IKZF2: variants seen among roughly 807,000 people sequenced by gnomAD.
The protein encoded by IKZF2 is IKAROS family zinc finger 2.
In IKZF2, 15 loss-of-function variants were observed where a neutral mutation model predicts 49.2. The observed-to-expected ratio is 0.30, with a 90% confidence interval of 0.20 to 0.47. The LOEUF (loss-of-function observed/expected upper bound fraction) is 0.47, where lower values mean the gene tolerates loss of function less well. IKZF2 is among the 20% of genes least tolerant of loss of function. The pLI is 1.00. For synonymous variants in IKZF2, 227 were observed against 221.4 expected, an observed-to-expected ratio of 1.03 and a Z score of -0.23; for missense variants, 567 against 664.6, an observed-to-expected ratio of 0.85 and a Z score of 1.61.
intron 4 of IKZF2, among the ~76,000 whole-genome samples, chr2:213,122,939 C>T (rs139287237): frequency 6.6e-6 from 1 of 152,194 alleles, no homozygotes; most frequent in Admixed American, 6.5e-5. Flanking sequence ...ACCATCCTAA[C>T]GATTTAGATT....
At chr2:213,106,541 G>T (rs912333297) in intron 4 of IKZF2, among the ~76,000 whole-genome samples, 10 of 151,008 alleles carry the variant, frequency 6.6e-5, no homozygotes, top group Admixed American at 5.9e-4. Flanking sequence ...AGGCTGAGGT[G>T]AGAGGATCTC....
At chr2:213,122,120 C>A (rs1445648342) in intron 4 of IKZF2, among the ~76,000 whole-genome samples, 1 of 152,024 alleles carries the variant, frequency 6.6e-6, no homozygotes, top group Non-Finnish European at 1.5e-5. Flanking sequence ...AGAGGGCAAA[C>A]CACAATAATA....
At chr2:213,091,919 T>C (rs964473627) in intron 4 of IKZF2, among the ~76,000 whole-genome samples, 8 of 151,824 alleles carry the variant, frequency 5.3e-5, no homozygotes, top group African/African-American at 1.9e-4. Context: ...TGTGTGTATG[T>C]GTGTGTGTAC....
chr2:213,018,911 G>A (rs1696896825), intron 7 of IKZF2, among the ~76,000 whole-genome samples: 2 of 152,070 alleles, frequency 1.3e-5, no homozygotes. Context: ...TCCAGAGTTA[G>A]GTTAATTCTA....
At chr2:213,103,933 A>T (rs2059435134) in intron 4 of IKZF2, among the ~76,000 whole-genome samples, 2 of 152,200 alleles carry the variant, frequency 1.3e-5, no homozygotes, top group Admixed American at 1.3e-4. Context: ...ATTGAATAAA[A>T]GTGATGATAT....
intron 6 of IKZF2, among the ~76,000 whole-genome samples, chr2:213,043,183 TACACAC>T (rs34393449): frequency 4.7e-5 from 7 of 148,742 alleles, no homozygotes; most frequent in African/African-American, 1.2e-4. Flanking sequence ...GTAAATGAAA[TACACAC>T]ACACACACAC....
intron 5 of IKZF2, among the ~76,000 whole-genome samples, chr2:213,052,491 T>G (rs747289660): frequency 3.9e-5 from 6 of 152,084 alleles, no homozygotes; most frequent in Non-Finnish European, 7.4e-5. Context: ...TTTTATGGCT[T>G]TCCTCATTTT....
At chr2:213,046,069 A>C (rs893130720) in intron 6 of IKZF2, among the ~76,000 whole-genome samples, 1 of 115,076 alleles carries the variant, frequency 8.7e-6, no homozygotes, top group Non-Finnish European at 1.9e-5. Flanking sequence ...TTTTATAGTA[A>C]AGACATGCAG....
chr2:213,127,025 T>G (rs1363192193), intron 4 of IKZF2, among the ~76,000 whole-genome samples: 1 of 152,182 alleles, frequency 6.6e-6, no homozygotes, highest in African/African-American at 2.4e-5. Context: ...ATTTTCTATT[T>G]CTCCAGCTCC....
chr2:213,073,725 T>C (rs926952808), intron 4 of IKZF2, among the ~76,000 whole-genome samples: 18 of 152,244 alleles, frequency 1.2e-4, no homozygotes, highest in African/African-American at 4.1e-4. Context: ...TTTTGTTTTC[T>C]TTGAGATGGA....
At chr2:213,130,932 T>G (rs553483282) in intron 4 of IKZF2, among the ~76,000 whole-genome samples, 3 of 152,170 alleles carry the variant, frequency 2.0e-5, no homozygotes, top group Non-Finnish European at 4.4e-5. Context: ...AGAGAATACA[T>G]GGTATTCTTC....
Position 213,075,869 on chromosome 2 carries a change from C to A in IKZF2, c.140-18770G>T, listed in dbSNP as rs1191089253. Reference sequence around the variant, plus strand: ...AAAGAAGATTTTTGATTTTTCTCTGCCTGGGAATAATATTATCAAAGAACT... The same window carrying A: ...AAAGAAGATTTTTGATTTTTCTCTGACTGGGAATAATATTATCAAAGAACT... On this transcript the variant is annotated intron_variant, in intron 4 of 8. Coordinates refer to ENST00000434687, the MANE Select transcript of IKZF2 (RefSeq NM_001387220.1). Among the ~76,000 whole-genome samples the A allele has an allele frequency of 2.6e-5, 4 of 152,102 alleles. No individual in the cohort carries two copies. In the East Asian group the frequency reaches 7.7e-4, roughly 29 times the overall value.
intron 6 of IKZF2, among the ~76,000 whole-genome samples, chr2:213,038,376 A>G (rs1699256665): frequency 6.6e-6 from 1 of 152,166 alleles, no homozygotes; most frequent in South Asian, 2.1e-4. Context: ...TTTTAAAATA[A>G]TGTAAATAGG....
chr2:213,061,829 G>C (rs1701727541), intron 4 of IKZF2, among the ~76,000 whole-genome samples: 1 of 151,498 alleles, frequency 6.6e-6, no homozygotes, highest in African/African-American at 2.4e-5. Flanking sequence ...TCATGAGTTA[G>C]AATACAGGAA....
intron 5 of IKZF2, among the ~76,000 whole-genome samples, chr2:213,054,890 A>T (rs993675126): frequency 6.6e-6 from 1 of 152,146 alleles, no homozygotes; most frequent in Non-Finnish European, 1.5e-5. Context: ...CCACACTAGT[A>T]AATAACAAAA....
At chr2:213,057,159 C>A (rs979502886) in intron 4 of IKZF2, 60 bp from the exon 5 acceptor site, 23 of 1,393,648 alleles carry the variant, frequency 1.7e-5, no homozygotes, top group Non-Finnish European at 2.2e-5. Context: ...TCACCTACAT[C>A]TCTTTTCTAC....
At chr2:213,128,042 A>AT (rs1223119998) in intron 4 of IKZF2, among the ~76,000 whole-genome samples, 1 of 152,224 alleles carries the variant, frequency 6.6e-6, no homozygotes, top group Non-Finnish European at 1.5e-5. Context: ...AAATACCACA[A>AT]TAGATTTGTG....
chr2:213,150,455 C>CTCT, intron 1 of IKZF2: 1 of 185,398 alleles, frequency 5.4e-6, no homozygotes, highest in South Asian at 7.3e-5. Context: ...AAGAACACCC[C>CTCT]CCTCCTCCTC....
rs72944387 is a variant in IKZF2 at position 213,006,241 on chromosome 2, C to T, written c.*1119G>A. 27,905 of 152,040 alleles carry T rather than the reference C, an allele frequency of 0.18. 3,377 individuals carry two copies. The highest frequency in any genetic ancestry group is 0.26 in the Non-Finnish European group (17,900 of 67,832). 9.4% of individuals were successfully genotyped at this position (152,040 alleles called of 1,614,324 possible). On this transcript the variant is annotated 3_prime_UTR_variant, in exon 9 of 9. Transcript: ENST00000434687. ...AGGAAGACTTTTAAGACCTTCTACT[C>T]GAAGAGTAAAGGATGAATGAACTAT...
Sources: allele counts gnomAD v4.1 joint callset (sites outside exome capture counted in the v4.1 genomes callset), GRCh38; gene constraint gnomAD v4.1.1; transcripts MANE v1.5; gene names NCBI Gene and HGNC (gene_info 2026-07-23, HGNC 2026-07-21).